Variants in PPARA observed in about 807,000 individuals in gnomAD.
The protein encoded by PPARA is peroxisome proliferator activated receptor alpha.
In PPARA, 22 loss-of-function variants were observed where a neutral mutation model predicts 42.2. That is an observed-to-expected ratio of 0.52 (90% CI 0.37 to 0.74). The LOEUF is 0.74. Among genes scored for constraint, PPARA ranks in the 30% least tolerant of loss-of-function variants. The pLI, the probability that PPARA is intolerant of heterozygous loss-of-function variation, is 0.00. For synonymous variants in PPARA, 242 were observed against 239.3 expected, an observed-to-expected ratio of 1.01 and a Z score of -0.10; for missense variants, 465 against 608.2, an observed-to-expected ratio of 0.76 and a Z score of 2.48.
Position 46,163,646 on chromosome 22 carries a change from T to C in PPARA, c.-127+11676T>C, listed in dbSNP as rs1926563872. 6.6e-6 allele frequency: 1 copy of C among 152,230 alleles called. No individual in the cohort carries two copies. Among genetic ancestry groups the C allele is most frequent in the African/African-American group, 2.4e-5 (1 of 41,456 alleles). The allele number at this position is 152,230 out of a possible 1,614,324, so 9.4% of individuals were successfully genotyped here. ...TCCCAGGACGACGTGACATGAGTGGTCTGTGCCTTCCAGGGCAGCCACGTC... is the reference window on the plus strand; with the variant it reads ...TCCCAGGACGACGTGACATGAGTGGCCTGTGCCTTCCAGGGCAGCCACGTC... On this transcript the variant is annotated intron_variant, in intron 2 of 8. Transcript: ENST00000407236. The surrounding 1 kb of genome is among the most constrained non-coding windows in gnomAD (Gnocchi z 4.9).
chr22:46,235,368 G>C lies in PPARA; in HGVS notation c.1395G>C (p.Arg465Ser). 1 of 1,613,808 alleles carries C rather than the reference G, an allele frequency of 6.2e-7. No homozygotes were observed. The highest frequency in any genetic ancestry group is 8.5e-7 in the Non-Finnish European group (1 of 1,179,914). ...ACCCGCTACTGCAGGAGATCTACAG[G>C]GACATGTACTGAGTTCCTTCAGATC... ...ALHPLLQEIYRDMY is the reference protein window; with the variant it reads ...ALHPLLQEIYSDMY The change falls in exon 9 of 9, where the codon AGG becomes AGC. Residue 465 changes from arginine to serine, a missense_variant. By Grantham distance (110) the Arg-to-Ser change is moderately radical. Coordinates refer to ENST00000407236, the MANE Select transcript of PPARA (RefSeq NM_005036.6). The surrounding 1 kb of genome is among the most constrained non-coding windows in gnomAD (Gnocchi z 7.0).
rs138425406 is a variant in PPARA, at chr22:46,166,721, A to T, written c.-126-10032A>T. On this transcript the variant is annotated intron_variant, in intron 2 of 8. Transcript: ENST00000407236. ...CACTGTAATCTACAAAACACTGCTGAGAGAAATTTTAAAAGACCTAAATAA... is the reference window on the plus strand; with the variant it reads ...CACTGTAATCTACAAAACACTGCTGTGAGAAATTTTAAAAGACCTAAATAA... Among the ~76,000 whole-genome samples, 310 of 152,344 alleles carry T rather than the reference A, an allele frequency of 2.0e-3. 8 individuals carry two copies. The East Asian group carries it at 0.037, about 18-fold the overall frequency.
Position 46,225,885 on chromosome 22 carries a change from ACT to A in PPARA, c.711+5873_711+5874del, listed in dbSNP as rs778252714. On this transcript the variant is annotated intron_variant, in intron 7 of 8. Transcript: ENST00000407236. The surrounding 1 kb of genome is among the most constrained non-coding windows in gnomAD (Gnocchi z 4.1). ...TGCACCCACACATGGATACACGCAC[ACT>A]CACACATGTACCCACACCTGTGTGT... Among the ~76,000 whole-genome samples the A allele has an allele frequency of 2.0e-5, 3 of 150,072 alleles. No homozygotes were observed. Among genetic ancestry groups the A allele is most frequent in the Non-Finnish European group, 4.4e-5 (3 of 67,546 alleles).
At position 46,239,141 on chromosome 22, in the gene PPARA, A is replaced by G. The variant is rs1421873695; in HGVS notation, c.*3761A>G. ...GTTTTGTTTTGTTTCGCATTTAGAG[A>G]GCAGACAAGGCACCCTTCTGCTGCG... On this transcript the variant is annotated 3_prime_UTR_variant, in exon 9 of 9. Transcript: ENST00000407236. 1 of 152,042 alleles carries G rather than the reference A, an allele frequency of 6.6e-6. No individual in the cohort carries two copies. The highest frequency in any genetic ancestry group is 1.5e-5 in the Non-Finnish European group (1 of 68,020). The allele number at this position is 152,042 out of a possible 1,614,324, so 9.4% of individuals were successfully genotyped here.
rs1483832302 is a variant in PPARA, at chr22:46,204,937, G to T, written c.208+6346G>T. Among the ~76,000 whole-genome samples, 1 of 151,862 alleles carries T rather than the reference G, an allele frequency of 6.6e-6. No individual in the cohort carries two copies. The highest frequency in any genetic ancestry group is 1.5e-5 in the Non-Finnish European group (1 of 67,962). ...GGCTAGAGTGCAGTGGTGCGATCATGGCTTACTGCAGCCTTGACCTCTTGG... is the reference window on the plus strand; with the variant it reads ...GGCTAGAGTGCAGTGGTGCGATCATTGCTTACTGCAGCCTTGACCTCTTGG... On this transcript the variant is annotated intron_variant, in intron 4 of 8. Coordinates refer to ENST00000407236, the MANE Select transcript of PPARA (RefSeq NM_005036.6). This position sits in a 1 kb window ranked among gnomAD's most constrained non-coding sequence, Gnocchi z 5.2.
At position 46,195,814 on chromosome 22, in the gene PPARA, C is replaced by A. The variant is rs1314492401; in HGVS notation, c.-42-2528C>A. ...TAGCAGCACATACCCCCGAGCCTCT[C>A]CGTGGTGTGCGCCGTGGGCACCATG... is the stretch of plus-strand genomic sequence containing the variant. On this transcript the variant is annotated intron_variant, in intron 3 of 8. Coordinates refer to ENST00000407236, the MANE Select transcript of PPARA (RefSeq NM_005036.6). This position sits in a 1 kb window ranked among gnomAD's most constrained non-coding sequence, Gnocchi z 4.6. 6.6e-6 allele frequency among the ~76,000 whole-genome samples: 1 copy of A among 152,152 alleles called. No homozygotes were observed. The highest frequency in any genetic ancestry group is 1.5e-5 in the Non-Finnish European group (1 of 68,036).
At chr22:46,169,833 C>T (rs999164568) in intron 2 of PPARA, among the ~76,000 whole-genome samples, 5 of 151,918 alleles carry the variant, frequency 3.3e-5, no homozygotes, top group African/African-American at 1.2e-4. Flanking sequence ...AGGTGTCAGT[C>T]ATCTTAAGAA....
In PPARA at chr22:46,171,921, G is replaced by T. The variant is rs1261686128; in HGVS notation, c.-126-4832G>T. 2.0e-5 allele frequency among the ~76,000 whole-genome samples: 3 copies of T among 152,150 alleles called. No individual in the cohort carries two copies. The highest frequency in any genetic ancestry group is 4.4e-5 in the Non-Finnish European group (3 of 68,016). ...GGCAGCTTGCAGGGCCCGGGCAGAA[G>T]CTATAGGTGGTTCTGAGGTTTGCAG... On this transcript the variant is annotated intron_variant, in intron 2 of 8. Transcript: ENST00000407236. The surrounding 1 kb of genome is among the most constrained non-coding windows in gnomAD (Gnocchi z 5.0).
rs34142992 is a variant in PPARA at position 46,204,837 on chromosome 22, TAA to T, written c.208+6257_208+6258del. Reference sequence around the variant, plus strand: ...TCTTTTCTTTCTACTGATAGTATCTTAAAAAAAAAAAAGAAAAAAGATTGTTT... The same window carrying T: ...TCTTTTCTTTCTACTGATAGTATCTTAAAAAAAAAAGAAAAAAGATTGTTT... On this transcript the variant is annotated intron_variant, in intron 4 of 8. Transcript: ENST00000407236. This position sits in a 1 kb window ranked among gnomAD's most constrained non-coding sequence, Gnocchi z 5.2. 6.9e-6 allele frequency among the ~76,000 whole-genome samples: 1 copy of T among 145,002 alleles called. No individual in the cohort carries two copies.
At position 46,150,805 on chromosome 22, in the gene PPARA, T is replaced by TCCCGGGGA. The variant is rs1346927834; in HGVS notation, c.-210+161_-210+168dup. ...GGCCCGGGGTCTCGGGGTCTCCGGG[T>TCCCGGGGA]CCCGGGGACCCGGGGGCCCGGGGTG... On this transcript the variant is annotated intron_variant, in intron 1 of 8. Transcript: ENST00000407236. This position sits in a 1 kb window ranked among gnomAD's most constrained non-coding sequence, Gnocchi z 7.5. 1 of 148,954 alleles carries TCCCGGGGA rather than the reference T, an allele frequency of 6.7e-6. No homozygotes were observed. The highest frequency in any genetic ancestry group is 2.5e-5 in the African/African-American group (1 of 40,312). 9.2% of individuals were successfully genotyped at this position (148,954 alleles called of 1,614,324 possible).
intron 5 of PPARA, among the ~76,000 whole-genome samples, chr22:46,217,673 A>C (rs1373659210): frequency 6.6e-6 from 1 of 152,076 alleles, no homozygotes; most frequent in Non-Finnish European, 1.5e-5. Context: ...GAAAACTATA[A>C]TTGTGTTTTC....
rs541327566 is a variant in PPARA at position 46,225,091 on chromosome 22, G to A, written c.711+5077G>A. On this transcript the variant is annotated intron_variant, in intron 7 of 8. Coordinates refer to ENST00000407236, the MANE Select transcript of PPARA (RefSeq NM_005036.6). This position sits in a 1 kb window ranked among gnomAD's most constrained non-coding sequence, Gnocchi z 4.1. ...GAGGCTGTGGGGGCAGGGGGAGGCC[G>A]CTGCATGGAGCCGCATAGATGCCAT... is the stretch of plus-strand genomic sequence containing the variant. Among the ~76,000 whole-genome samples, 41 of 152,202 alleles carry A rather than the reference G, an allele frequency of 2.7e-4. No individual in the cohort carries two copies. The highest frequency in any genetic ancestry group is 9.2e-4 in the African/African-American group (38 of 41,514).
Position 46,235,353 on chromosome 22 carries a change from G to T in PPARA, c.1380G>T (p.Leu460=), listed in dbSNP as rs368513073. Residue 460 remains leucine (L), a synonymous_variant, in exon 9 of 9, where the codon CTG becomes CTT. Coordinates refer to ENST00000407236, the MANE Select transcript of PPARA (RefSeq NM_005036.6). The surrounding 1 kb of genome is among the most constrained non-coding windows in gnomAD (Gnocchi z 7.0). The part of the protein sequence containing the change: ...TESDAALHPL[L]QEIYRDMY ...CGGATGCTGCGCTGCACCCGCTACT[G>T]CAGGAGATCTACAGGGACATGTACT... 12 of 1,613,826 alleles carry T rather than the reference G, an allele frequency of 7.4e-6. No homozygotes were observed. In the African/African-American group the frequency reaches 1.6e-4, roughly 22 times the overall value.
At position 46,229,577 on chromosome 22, in the gene PPARA, T is replaced by C. The variant is rs927914646; in HGVS notation, c.712-2215T>C. On this transcript the variant is annotated intron_variant, in intron 7 of 8. Coordinates refer to ENST00000407236, the MANE Select transcript of PPARA (RefSeq NM_005036.6). Reference sequence around the variant, plus strand: ...CTGTCTCAAAAAAAAAAAAAAATTATCTAGCCCCTCCTAGAAATGTTAATT... The same window carrying C: ...CTGTCTCAAAAAAAAAAAAAAATTACCTAGCCCCTCCTAGAAATGTTAATT... Among the ~76,000 whole-genome samples, 4 of 152,000 alleles carry C rather than the reference T, an allele frequency of 2.6e-5. No individual in the cohort carries two copies. In the South Asian group the frequency reaches 6.2e-4, roughly 24 times the overall value.
chr22:46,225,154 T>A lies in PPARA; in HGVS notation c.711+5140T>A, dbSNP rs1310723472. On this transcript the variant is annotated intron_variant, in intron 7 of 8. Transcript: ENST00000407236. The surrounding 1 kb of genome is among the most constrained non-coding windows in gnomAD (Gnocchi z 4.1). ...GGTGGGCTTTAGCTGAGGGAAGGAG[T>A]GAGGGGTGGATGGAGAATGTCTGTG... Among the ~76,000 whole-genome samples the A allele has an allele frequency of 6.6e-6, 1 of 150,578 alleles. No individual in the cohort carries two copies. The highest frequency in any genetic ancestry group is 2.4e-5 in the African/African-American group (1 of 40,916).
At chr22:46,207,436 C>T (rs1933434845) in intron 4 of PPARA, among the ~76,000 whole-genome samples, 1 of 149,852 alleles carries the variant, frequency 6.7e-6, no homozygotes, top group African/African-American at 2.4e-5. Context: ...CACCCACCAC[C>T]ACACCCGGCT....
chr22:46,194,114 C>T (rs564566139), intron 3 of PPARA, among the ~76,000 whole-genome samples: 46 of 152,200 alleles, frequency 3.0e-4, no homozygotes, highest in Non-Finnish European at 5.9e-4. Flanking sequence ...CGTTTGGCCT[C>T]TGCTGTCTAT....
chr22:46,196,245 C>T lies in PPARA; in HGVS notation c.-42-2097C>T, dbSNP rs928606722. Among the ~76,000 whole-genome samples, 1 of 152,276 alleles carries T rather than the reference C, an allele frequency of 6.6e-6. No individual in the cohort carries two copies. The highest frequency in any genetic ancestry group is 6.5e-5 in the Admixed American group (1 of 15,292). ...GTCACTTATACCCCTATGGAAATGCCGTTCGCTTTGCTAGTTGAAATAGCC... is the reference window on the plus strand; with the variant it reads ...GTCACTTATACCCCTATGGAAATGCTGTTCGCTTTGCTAGTTGAAATAGCC... On this transcript the variant is annotated intron_variant, in intron 3 of 8. Transcript: ENST00000407236. The surrounding 1 kb of genome is among the most constrained non-coding windows in gnomAD (Gnocchi z 5.6).
chr22:46,207,073 A>C (rs2147467041), intron 4 of PPARA, among the ~76,000 whole-genome samples: 1 of 151,894 alleles, frequency 6.6e-6, no homozygotes, highest in African/African-American at 2.4e-5. Flanking sequence ...AAATACAAAA[A>C]TTAGCTGGGC....
Sources: allele counts gnomAD v4.1 joint callset (sites outside exome capture counted in the v4.1 genomes callset), GRCh38; gene constraint gnomAD v4.1.1; non-coding constraint Gnocchi (gnomAD v3.1); transcripts MANE v1.5; gene names NCBI Gene and HGNC (gene_info 2026-07-23, HGNC 2026-07-21).